VAPB: variants seen among roughly 807,000 people sequenced by gnomAD.
The protein encoded by VAPB is vesicle-associated membrane protein-associated protein B/C.
VAPB carries 7 observed loss-of-function variants against 25.6 expected under a neutral mutation model. The observed-to-expected ratio is 0.27, with a 90% CI of 0.16 to 0.51. VAPB has a LOEUF of 0.51. Among genes scored for constraint, VAPB ranks in the 20% least tolerant of loss-of-function variants. VAPB has a pLI of 0.97. For missense variants in VAPB, 266 were observed against 301.3 expected, an observed-to-expected ratio of 0.88 and a Z score of 0.87; for synonymous variants, 112 against 109.2, an observed-to-expected ratio of 1.03 and a Z score of -0.16.
At chr20:58,406,202 A>G (rs1027854912) in intron 1 of VAPB, among the ~76,000 whole-genome samples, 1 of 152,294 alleles carries the variant, frequency 6.6e-6, no homozygotes, top group Middle Eastern at 3.4e-3. Context: ...GGCTGCAGAT[A>G]TAAATTTGGC....
chr20:58,399,833 A>G (rs1040527766), intron 1 of VAPB, among the ~76,000 whole-genome samples: 1 of 152,100 alleles, frequency 6.6e-6, no homozygotes, highest in African/African-American at 2.4e-5. Context: ...ATTCTGTGCT[A>G]ATACTATCAA....
chr20:58,447,325 C>T lies in VAPB; in HGVS notation c.*3090C>T, dbSNP rs1176126081. On this transcript the variant is annotated 3_prime_UTR_variant, in exon 6 of 6. Transcript: ENST00000475243. ...GAGGAACTGGCTTTAACTTTTTTCT[C>T]CTCCTAGTTTGCATGTTTTCCTTCT... 1.1e-5 allele frequency: 5 copies of T among 454,070 alleles called. No individual in the cohort carries two copies. Among genetic ancestry groups the T allele is most frequent in the South Asian group, 6.2e-5 (4 of 64,476 alleles). The allele number at this position is 454,070 out of a possible 1,614,324, so 28.1% of individuals were successfully genotyped here.
chr20:58,434,992 A>G (rs1393069627), intron 3 of VAPB, among the ~76,000 whole-genome samples: 1 of 152,124 alleles, frequency 6.6e-6, no homozygotes, highest in Non-Finnish European at 1.5e-5. Flanking sequence ...TTGCATGGTT[A>G]GGGATTGCCT....
chr20:58,422,085 T>C (rs1988681419), intron 2 of VAPB, among the ~76,000 whole-genome samples: 1 of 152,218 alleles, frequency 6.6e-6, no homozygotes, highest in African/African-American at 2.4e-5. Flanking sequence ...GATTATAATA[T>C]GTGGGCTTTC....
chr20:58,411,551 C>T (rs184229515), intron 1 of VAPB, among the ~76,000 whole-genome samples: 3 of 152,312 alleles, frequency 2.0e-5, no homozygotes, highest in Admixed American at 1.3e-4. Context: ...TGATTACAGG[C>T]GTGAGCCACC....
chr20:58,422,669 T>C (rs901181579), intron 2 of VAPB, among the ~76,000 whole-genome samples: 1 of 152,096 alleles, frequency 6.6e-6, no homozygotes, highest in Admixed American at 6.6e-5. Context: ...TTCCAAACCA[T>C]GTTTGCCAGC....
At chr20:58,418,672 C>T (rs1335705612) in intron 2 of VAPB, among the ~76,000 whole-genome samples, 1 of 152,138 alleles carries the variant, frequency 6.6e-6, no homozygotes. Context: ...TGTTTTCACT[C>T]CCTTGAAATT....
chr20:58,439,193 A>G lies in VAPB; in HGVS notation c.396+168A>G, dbSNP rs1205145686. 32 of 654,586 alleles carry G rather than the reference A, an allele frequency of 4.9e-5. No homozygotes were observed. The East Asian group carries it at 8.4e-4, about 17-fold the overall frequency. 40.5% of individuals were successfully genotyped at this position (654,586 alleles called of 1,614,324 possible). On this transcript the variant is annotated intron_variant, in intron 4 of 5. Coordinates refer to ENST00000475243, the MANE Select transcript of VAPB (RefSeq NM_004738.5). ...CAAATAAGTGGGCCTTTATGAAATC[A>G]GCCTTTGAAAAACTCACGGAAAGAC...
At chr20:58,391,016 TG>T (rs1173630197) in intron 1 of VAPB, among the ~76,000 whole-genome samples, 2 of 152,176 alleles carry the variant, frequency 1.3e-5, no homozygotes, top group Non-Finnish European at 2.9e-5. Flanking sequence ...GGATAGTACT[TG>T]AGCTTTCATG....
At chr20:58,410,944 A>G (rs1988363466) in intron 1 of VAPB, among the ~76,000 whole-genome samples, 3 of 152,172 alleles carry the variant, frequency 2.0e-5, no homozygotes. Flanking sequence ...CCACTCACAA[A>G]ATGCTTCTGC....
chr20:58,392,246 G>T (rs1056554833), intron 1 of VAPB, among the ~76,000 whole-genome samples: 7 of 152,178 alleles, frequency 4.6e-5, no homozygotes, highest in African/African-American at 1.7e-4. Context: ...GGCTTTGTAA[G>T]TGCATAGTAC....
rs760983418 is a variant in VAPB at position 58,449,798 on chromosome 20, C to T, written c.*5563C>T. On this transcript the variant is annotated 3_prime_UTR_variant, in exon 6 of 6. Coordinates refer to ENST00000475243, the MANE Select transcript of VAPB (RefSeq NM_004738.5). ...TGGATGTGGGTGCAGGACAGATGCT[C>T]GCTTGCTGGCCTGCTTTCCTGCTTG... 3 of 453,968 alleles carry T rather than the reference C, an allele frequency of 6.6e-6. No individual in the cohort carries two copies. The highest frequency in any genetic ancestry group is 1.6e-5 in the South Asian group (1 of 64,476). The allele number at this position is 453,968 out of a possible 1,614,324, so 28.1% of individuals were successfully genotyped here.
chr20:58,404,227 G>T (rs1049670969), intron 1 of VAPB, among the ~76,000 whole-genome samples: 1 of 152,042 alleles, frequency 6.6e-6, no homozygotes, highest in Admixed American at 6.6e-5. Context: ...TAGGTTCGTG[G>T]CCCAAATTCT....
At chr20:58,426,592 A>G (rs1988788412) in intron 2 of VAPB, among the ~76,000 whole-genome samples, 1 of 152,144 alleles carries the variant, frequency 6.6e-6, no homozygotes, top group Admixed American at 6.5e-5. Context: ...CCAATAAGAG[A>G]CCAAGAAATC....
intron 1 of VAPB, among the ~76,000 whole-genome samples, chr20:58,407,659 T>G (rs1230929361): frequency 2.0e-5 from 3 of 152,118 alleles, no homozygotes; most frequent in African/African-American, 4.8e-5. Flanking sequence ...CTCCTTTTTT[T>G]TTTGTTTTTT....
At chr20:58,422,330 G>C (rs904514943) in intron 2 of VAPB, among the ~76,000 whole-genome samples, 7 of 152,184 alleles carry the variant, frequency 4.6e-5, no homozygotes, top group African/African-American at 1.7e-4. Context: ...ATCAACTAGA[G>C]ATGGTTTTGA....
chr20:58,425,125 G>A (rs1415537939), intron 2 of VAPB, among the ~76,000 whole-genome samples: 2 of 152,198 alleles, frequency 1.3e-5, no homozygotes, highest in Non-Finnish European at 2.9e-5. Context: ...TGGCATTTAT[G>A]TATCTGTGTC....
Position 58,450,573 on chromosome 20 carries a change from T to G in VAPB, c.*6338T>G, listed in dbSNP as rs1568727352. The G allele has an allele frequency of 2.2e-6, 1 of 454,110 alleles. No individual in the cohort carries two copies. The highest frequency in any genetic ancestry group is 4.4e-6 in the Non-Finnish European group (1 of 226,790). 28.1% of individuals were successfully genotyped at this position (454,110 alleles called of 1,614,324 possible). A position where few individuals can be genotyped will look rare whatever the true frequency, so the allele number is the denominator to read the frequency against. ...CCTATAAGAAACTAAAAATGATCTA[T>G]TTCAGTGTTCCTTTCGCCTTTCCTC... On this transcript the variant is annotated 3_prime_UTR_variant, in exon 6 of 6. Coordinates refer to ENST00000475243, the MANE Select transcript of VAPB (RefSeq NM_004738.5).
At chr20:58,420,778 A>G (rs1988650647) in intron 2 of VAPB, among the ~76,000 whole-genome samples, 1 of 152,222 alleles carries the variant, frequency 6.6e-6, no homozygotes, top group African/African-American at 2.4e-5. Context: ...GTGAAACCAG[A>G]TGTCATTGCA....
Sources: gnomAD v4.1 joint callset for allele counts (sites outside exome capture counted in the v4.1 genomes callset) on GRCh38, gnomAD v4.1.1 for gene constraint, MANE v1.5 for transcripts, NCBI Gene and HGNC (gene_info 2026-07-23, HGNC 2026-07-21) for gene names.